Variants in PDE1C observed in about 807,000 individuals in gnomAD.
PDE1C encodes the protein dual specificity calcium/calmodulin-dependent 3',5'-cyclic nucleotide phosphodiesterase 1C.
A neutral mutation model predicts 93.1 loss-of-function variants in PDE1C; 62 were observed. That is an observed-to-expected ratio of 0.67 (90% CI 0.54 to 0.82). The LOEUF (loss-of-function observed/expected upper bound fraction) is 0.82. Among genes scored for constraint, PDE1C ranks in the 40% least tolerant of loss-of-function variants. The probability of loss-of-function intolerance (pLI) is 0.00; values close to 1 mark genes in which losing one functional copy is unlikely to be tolerated. For missense variants in PDE1C, 742 were observed against 884.6 expected (o/e 0.84, Z 2.04); for synonymous variants, 325 against 310.1 (o/e 1.05, Z -0.50).
At chr7:32,100,985 TTGG>T (rs1798007823) in intron 3 of PDE1C, among the ~76,000 whole-genome samples, 1 of 148,506 alleles carries the variant, frequency 6.7e-6, no homozygotes, top group Non-Finnish European at 1.5e-5. Flanking sequence ...ATTGAATGTT[TTGG>T]TCACCTTTGA....
intron 1 of PDE1C, among the ~76,000 whole-genome samples, chr7:32,288,818 A>T (rs929665699): frequency 6.6e-6 from 1 of 152,256 alleles, no homozygotes; most frequent in East Asian, 1.9e-4. Context: ...AAGTCAGAGA[A>T]AAACAATGCC....
chr7:31,680,257 TG>T, the PDE1C span, among the ~76,000 whole-genome samples: 1 of 152,164 alleles, frequency 6.6e-6, no homozygotes, highest in African/African-American at 2.4e-5. Flanking sequence ...TTTGAGAACA[TG>T]ATACTCAAAA....
the PDE1C span, among the ~76,000 whole-genome samples, chr7:31,744,331 A>G: frequency 6.6e-6 from 1 of 152,186 alleles, no homozygotes; most frequent in African/African-American, 2.4e-5. Context: ...TGTTTGATGA[A>G]GAAACAAACC....
the PDE1C span, among the ~76,000 whole-genome samples, chr7:31,703,307 G>T: frequency 6.6e-6 from 1 of 152,158 alleles, no homozygotes; most frequent in Non-Finnish European, 1.5e-5. Context: ...CTGATTCAAG[G>T]AACAGCCTAA....
chr7:31,994,265 G>T (rs974592518), intron 2 of PDE1C, among the ~76,000 whole-genome samples: 2 of 152,108 alleles, frequency 1.3e-5, no homozygotes, highest in African/African-American at 2.4e-5. Context: ...ACCTGGATGT[G>T]TAATTCATAT....
chr7:31,769,801 C>A (rs1795367111), intron 17 of PDE1C, among the ~76,000 whole-genome samples: 1 of 152,196 alleles, frequency 6.6e-6, no homozygotes, highest in Non-Finnish European at 1.5e-5. Flanking sequence ...CACTAATGTA[C>A]TTTCTGTCTC....
At chr7:31,642,795 A>G in the PDE1C span, 1 of 1,614,036 alleles carries the variant, frequency 6.2e-7, no homozygotes. Flanking sequence ...CGGATGGGCC[A>G]GATTCCAAAA....
At chr7:31,738,471 C>G in the PDE1C span, among the ~76,000 whole-genome samples, 1 of 152,214 alleles carries the variant, frequency 6.6e-6, no homozygotes. Flanking sequence ...ATAAGGGAAA[C>G]TGCCCCCAGG....
At chr7:31,765,001 T>G (rs2128613944) in intron 17 of PDE1C, among the ~76,000 whole-genome samples, 1 of 152,342 alleles carries the variant, frequency 6.6e-6, no homozygotes, top group African/African-American at 2.4e-5. Flanking sequence ...GCTGCCCATG[T>G]TTGCTTGAGA....
chr7:31,958,423 T>C (rs567815127), intron 2 of PDE1C, among the ~76,000 whole-genome samples: 3 of 152,382 alleles, frequency 2.0e-5, no homozygotes, highest in Admixed American at 1.3e-4. Context: ...GCAATTCAAA[T>C]TGCAGTTGAG....
intron 2 of PDE1C, among the ~76,000 whole-genome samples, chr7:32,041,467 A>C (rs1381489654): frequency 1.3e-5 from 2 of 152,200 alleles, no homozygotes; most frequent in Non-Finnish European, 2.9e-5. Flanking sequence ...AGAATAAACA[A>C]AGCAGAGCTG....
intron 3 of PDE1C, among the ~76,000 whole-genome samples, chr7:32,121,927 C>A (rs1799322419): frequency 1.3e-5 from 2 of 152,128 alleles, no homozygotes. Context: ...CACAGACTGG[C>A]AAATTGGATA....
chr7:31,714,365 A>C, the PDE1C span, among the ~76,000 whole-genome samples: 1 of 152,006 alleles, frequency 6.6e-6, no homozygotes, highest in Non-Finnish European at 1.5e-5. Context: ...TGTCTATATA[A>C]TTATCATCAT....
At chr7:31,684,805 TC>T in the PDE1C span, among the ~76,000 whole-genome samples, 1 of 152,212 alleles carries the variant, frequency 6.6e-6, no homozygotes, top group Non-Finnish European at 1.5e-5. Flanking sequence ...ACTGGACCCT[TC>T]GTACATTGCT....
In PDE1C at chr7:31,869,037, C is replaced by T. The variant is rs145640015; in HGVS notation, c.610-3955G>A. Among the ~76,000 whole-genome samples the T allele has an allele frequency of 2.0e-5, 3 of 152,148 alleles. No homozygotes were observed. The East Asian group carries it at 5.8e-4, about 29-fold the overall frequency. On this transcript the variant is annotated intron_variant, in intron 6 of 17. Coordinates refer to ENST00000396191, the MANE Select transcript of PDE1C (RefSeq NM_001191057.4). Reference sequence around the variant, plus strand: ...TACTTGACCAGACCTACAGTGAATGCTTAAGGGAGTCTTACGCCTGGAAAC... The same window carrying T: ...TACTTGACCAGACCTACAGTGAATGTTTAAGGGAGTCTTACGCCTGGAAAC...
At chr7:31,903,073 G>T (rs1391027408) in intron 2 of PDE1C, among the ~76,000 whole-genome samples, 1 of 151,850 alleles carries the variant, frequency 6.6e-6, no homozygotes, top group African/African-American at 2.4e-5. Flanking sequence ...TAAGGCAAAA[G>T]CTGTACTACT....
At chr7:31,679,364 G>A in the PDE1C span, among the ~76,000 whole-genome samples, 3 of 152,146 alleles carry the variant, frequency 2.0e-5, no homozygotes, top group Non-Finnish European at 2.9e-5. Flanking sequence ...AGTTATAGCC[G>A]CTATTTTGAA....
intron 1 of PDE1C, among the ~76,000 whole-genome samples, chr7:32,310,962 G>C (rs1361303740): frequency 6.6e-6 from 1 of 152,108 alleles, no homozygotes; most frequent in South Asian, 2.1e-4. Flanking sequence ...ATGAATCCAG[G>C]AGCTGCTTTT....
At chr7:32,379,588 A>AT (rs1784495108) in intron 1 of PDE1C, among the ~76,000 whole-genome samples, 1 of 152,070 alleles carries the variant, frequency 6.6e-6, no homozygotes, top group African/African-American at 2.4e-5. Context: ...CATCTGATTA[A>AT]TTTTCCTGAG....
Sources: gnomAD v4.1 joint callset for allele counts (sites outside exome capture counted in the v4.1 genomes callset) on GRCh38, gnomAD v4.1.1 for gene constraint, MANE v1.5 for transcripts, NCBI Gene and HGNC (gene_info 2026-07-23, HGNC 2026-07-21) for gene names.